The following HP variants were observed in gnomAD, a reference collection of about 807,000 sequenced individuals.
HP encodes haptoglobin.
A neutral mutation model predicts 23.2 loss-of-function variants in HP; 9 were observed. The observed-to-expected ratio is 0.39, with a 90% CI of 0.23 to 0.68. HP has a LOEUF of 0.68. Ranked by LOEUF, HP falls within the 30% of genes least tolerant of loss-of-function variation. The pLI is 0.47. For synonymous variants in HP, 155 were observed against 183.3 expected (o/e 0.85, Z 1.25); for missense variants, 433 against 483.6 (o/e 0.90, Z 0.98).
Position 72,060,792 on chromosome 16 carries a change from T to G in HP, c.1123T>G (p.Leu375Val), listed in dbSNP as rs551701593. 11 of 1,602,740 alleles carry G rather than the reference T, an allele frequency of 6.9e-6. No individual in the cohort carries two copies. The highest frequency in any genetic ancestry group is 3.3e-4 in the Middle Eastern group (2 of 6,036). Reference protein sequence around the residue: ...EEDTWYATGILSFDKSCAVAE... With the variant: ...EEDTWYATGIVSFDKSCAVAE... ...GGACACCTGGTATGCGACTGGGATC[T>G]TAAGCTTTGATAAGAGCTGTGCTGT... The change falls in exon 7 of 7, where the codon TTA becomes GTA. Residue 375 changes from leucine to valine, a missense_variant. Coordinates refer to ENST00000355906, the MANE Select transcript of HP (RefSeq NM_005143.5).
Position 72,059,123 on chromosome 16 carries a change from C to A in HP, c.377C>A (p.Thr126Asn). 6.4e-7 allele frequency: 1 copy of A among 1,565,430 alleles called. No homozygotes were observed. Among genetic ancestry groups the A allele is most frequent in the South Asian group, 1.1e-5 (1 of 90,436 alleles). The change falls in exon 6 of 7, where the codon ACC (threonine) becomes AAC (asparagine). Residue 126 changes from threonine to asparagine, a missense_variant. By Grantham distance (65) the Thr-to-Asn change is moderately conservative (BLOSUM62 0). This residue lies in a region of HP where 326 missense variants were observed against 358.1 expected (regional missense o/e 0.91). Transcript: ENST00000355906. The part of the protein sequence containing the change: ...KLRTEGDGVY[T>N]LNNEKQWINK... ...TTGCCTTTTGTTTCAGGAGTGTACACCTTAAACAATGAGAAGCAGTGGATA... is the reference window on the plus strand; with the variant it reads ...TTGCCTTTTGTTTCAGGAGTGTACAACTTAAACAATGAGAAGCAGTGGATA...
intron 1 of HP, chr16:72,055,145 C>CTT (rs576218458): frequency 1.5e-4 from 25 of 163,644 alleles, no homozygotes; most frequent in East Asian, 3.5e-4. Context: ...AGACTAGAAA[C>CTT]TTTTTTTTTT....
rs145040577 is a variant in HP at position 72,059,984 on chromosome 16, G to A, written c.443-128G>A. ...ACTATTGGAAATGAGATCAGCAGGT[G>A]GTAAGGGCAAAGCATTTAAATCTTT... is the stretch of plus-strand genomic sequence containing the variant. On this transcript the variant is annotated intron_variant, in intron 6 of 6. Coordinates refer to ENST00000355906, the MANE Select transcript of HP (RefSeq NM_005143.5). The A allele has an allele frequency of 2.6e-4, 400 of 1,511,174 alleles. 3 individuals carry two copies. The African/African-American group carries it at 5.2e-3, about 20-fold the overall frequency. 93.6% of individuals were successfully genotyped at this position (1,511,174 alleles called of 1,614,324 possible).
chr16:72,055,347 C>T (rs34066044), intron 1 of HP: 5,843 of 156,426 alleles, frequency 0.037, 334 homozygotes, highest in African/African-American at 0.13. Context: ...ACCATGTTGG[C>T]CAGGATGACC....
intron 5 of HP, 125 bp from the exon 6 acceptor site, chr16:72,058,989 C>T: frequency 2.8e-6 from 3 of 1,074,788 alleles, no homozygotes; most frequent in African/African-American, 1.9e-5. Flanking sequence ...ATACTCTCTC[C>T]TTTTCCCCTT....
chr16:72,056,261 T>C lies in HP; in HGVS notation c.88+18T>C, dbSNP rs1356306938. On this transcript the variant is annotated intron_variant, in intron 2 of 6. Coordinates refer to ENST00000355906, the MANE Select transcript of HP (RefSeq NM_005143.5). ...TATCGCAGGTCAGTCTTTGGTTGGGTAGGAGTGTGCATCCCACTCTGACCC... is the reference window on the plus strand; with the variant it reads ...TATCGCAGGTCAGTCTTTGGTTGGGCAGGAGTGTGCATCCCACTCTGACCC... 1 of 1,611,268 alleles carries C rather than the reference T, an allele frequency of 6.2e-7. No individual in the cohort carries two copies. The highest frequency in any genetic ancestry group is 1.1e-5 in the South Asian group (1 of 91,026).
chr16:72,058,130 C>T lies in HP; in HGVS notation c.266-124C>T, dbSNP rs182760478. The T allele has an allele frequency of 3.9e-5, 44 of 1,140,464 alleles. 12 individuals are homozygous for T. The African/African-American group carries it at 6.4e-4, about 17-fold the overall frequency. 70.6% of individuals were successfully genotyped at this position (1,140,464 alleles called of 1,614,324 possible). On this transcript the variant is annotated intron_variant, in intron 4 of 6. Transcript: ENST00000355906. The stretch of plus-strand genomic sequence containing the variant: ...ATAATTGTTTAAAAATAATACAGTT[C>T]GCGAGCTTCTATTCGGGGTGGAAGG...
Position 72,056,183 on chromosome 16 carries a change from C to T in HP, c.28C>T (p.Leu10Phe), listed in dbSNP as rs368400005. 5 of 1,613,962 alleles carry T rather than the reference C, an allele frequency of 3.1e-6. No individual in the cohort carries two copies. The East Asian group carries it at 8.9e-5, about 29-fold the overall frequency. The change falls in exon 2 of 7, where the codon CTC becomes TTC. Residue 10 changes from leucine to phenylalanine, a missense_variant. Around this residue, in one of 3 missense-constraint regions of HP, gnomAD observed 71 missense variants for 54.2 expected, o/e 1.31. Coordinates refer to ENST00000355906, the MANE Select transcript of HP (RefSeq NM_005143.5). MSALGAVIA[L>F]LLWGQLFAVD... The stretch of plus-strand genomic sequence containing the variant: ...CAGTGCCCTGGGAGCTGTCATTGCC[C>T]TCCTGCTCTGGGGACAGCTTTTTGC...
chr16:72,060,519 T>TG lies in HP; in HGVS notation c.855dup (p.Arg286AlafsTer6), dbSNP rs35437570. ...AGGGCGTGTGGGTTATGTTTCTGGC[T>TG]GGGGGCGAAATGCCAATTTTAAATT... On this transcript the variant is annotated frameshift_variant, in exon 7 of 7. Transcript: ENST00000355906. LOFTEE classifies it high-confidence loss of function. 6.2e-7 allele frequency: 1 copy of TG among 1,614,150 alleles called. No homozygotes were observed. Among genetic ancestry groups the TG allele is most frequent in the Non-Finnish European group, 8.5e-7 (1 of 1,180,038 alleles).
rs1229615817 is a variant in HP at position 72,060,341 on chromosome 16, T to C, written c.672T>C (p.Tyr224=). 3 of 1,613,982 alleles carry C rather than the reference T, an allele frequency of 1.9e-6. No individual in the cohort carries two copies. In the African/African-American group the frequency reaches 4.0e-5, roughly 22 times the overall value. The change falls in exon 7 of 7, where the codon TAT becomes TAC. Residue 224 remains tyrosine, a synonymous_variant. Transcript: ENST00000355906. ...ACATTGCCCCTACTTTAACACTCTATGTGGGGAAAAAGCAGCTTGTAGAGA... is the reference window on the plus strand; with the variant it reads ...ACATTGCCCCTACTTTAACACTCTACGTGGGGAAAAAGCAGCTTGTAGAGA... ...AKDIAPTLTL[Y]VGKKQLVEIE...
At position 72,056,169 on chromosome 16, in the gene HP, G is replaced by C; in HGVS notation, c.14G>C (p.Gly5Ala). ...TTGTCTTCTCTCTGCAGTGCCCTGG[G>C]AGCTGTCATTGCCCTCCTGCTCTGG... MSALGAVIALLLWGQ... is the reference protein window; with the variant it reads MSALAAVIALLLWGQ... Residue 5 changes from glycine to alanine, a missense_variant, in exon 2 of 7, where the codon GGA (glycine) becomes GCA (alanine). By Grantham distance (60) the Gly-to-Ala change is moderately conservative (BLOSUM62 0). Around this residue, in one of 3 missense-constraint regions of HP, gnomAD observed 71 missense variants for 54.2 expected, o/e 1.31. Transcript: ENST00000355906. The C allele has an allele frequency of 6.2e-7, 1 of 1,613,900 alleles. No homozygotes were observed. The highest frequency in any genetic ancestry group is 8.5e-7 in the Non-Finnish European group (1 of 1,179,922).
chr16:72,059,530 T>A (rs530364999), intron 6 of HP: 14 of 318,650 alleles, frequency 4.4e-5, no homozygotes, highest in Non-Finnish European at 8.2e-5. Context: ...AAAATCTTAA[T>A]CCATGGAAGC....
At chr16:72,057,707 C>G (rs1200359744) in intron 4 of HP, 1 of 500,980 alleles carries the variant, frequency 2.0e-6, no homozygotes. Context: ...TCGGCACTGC[C>G]CACAGATCAG....
In HP at chr16:72,060,601, G is replaced by A. The variant is rs556625699; in HGVS notation, c.932G>A (p.Arg311Lys). Reference protein sequence around the residue: ...LPVADQDQCIRHYEGSTVPEK... With the variant: ...LPVADQDQCIKHYEGSTVPEK... Reference sequence around the variant, plus strand: ...GTGGCTGACCAAGACCAATGCATAAGGCATTATGAAGGCAGCACAGTCCCC... The same window carrying A: ...GTGGCTGACCAAGACCAATGCATAAAGCATTATGAAGGCAGCACAGTCCCC... The change falls in exon 7 of 7, where the codon AGG becomes AAG. Residue 311 changes from arginine (R) to lysine (K), a missense_variant. Physicochemically the swap from Arg to Lys is conservative, Grantham distance 26 (BLOSUM62 2). This residue lies in a region of HP where 326 missense variants were observed against 358.1 expected (regional missense o/e 0.91). Coordinates refer to ENST00000355906, the MANE Select transcript of HP (RefSeq NM_005143.5). 6.2e-7 allele frequency: 1 copy of A among 1,614,126 alleles called. No individual in the cohort carries two copies. Among genetic ancestry groups the A allele is most frequent in the Non-Finnish European group, 8.5e-7 (1 of 1,180,030 alleles).
At chr16:72,059,010 C>A in intron 5 of HP, 104 bp from the exon 6 acceptor site, 1 of 1,216,554 alleles carries the variant, frequency 8.2e-7, no homozygotes, top group Non-Finnish European at 1.2e-6. Context: ...CCTTTTTGTC[C>A]CCTTTTCCTC....
At chr16:72,060,041 C>T in intron 6 of HP, 71 bp from the exon 7 acceptor site, 1 of 1,594,852 alleles carries the variant, frequency 6.3e-7, no homozygotes, top group Non-Finnish European at 8.6e-7. Context: ...GCCGCCCATG[C>T]TTTCACCCCT....
chr16:72,059,871 T>C, intron 6 of HP: 1 of 922,152 alleles, frequency 1.1e-6, no homozygotes, highest in Non-Finnish European at 1.6e-6. Flanking sequence ...AAAATCTCAG[T>C]ATTTCCCACT....
chr16:72,057,185 T>C lies in HP; in HGVS notation c.191-207T>C, dbSNP rs972560447. On this transcript the variant is annotated intron_variant, in intron 3 of 6. Coordinates refer to ENST00000355906, the MANE Select transcript of HP (RefSeq NM_005143.5). Reference sequence around the variant, plus strand: ...TGTGACCGCCATGACCACAGTGTGTTCTGCTGGGCTTAACTGGTGTCCAGG... The same window carrying C: ...TGTGACCGCCATGACCACAGTGTGTCCTGCTGGGCTTAACTGGTGTCCAGG... 1.6e-4 allele frequency: 103 copies of C among 637,914 alleles called. 22 individuals carry two copies. The highest frequency in any genetic ancestry group is 2.7e-4 in the Non-Finnish European group (96 of 357,248). The allele number at this position is 637,914 out of a possible 1,614,324, so 39.5% of individuals were successfully genotyped here.
rs2041537203 is a variant in HP, at chr16:72,060,948, A to G, written c.*58A>G. 2 of 1,531,944 alleles carry G rather than the reference A, an allele frequency of 1.3e-6. No homozygotes were observed. Among genetic ancestry groups the G allele is most frequent in the African/African-American group, 2.8e-5 (2 of 72,160 alleles). 94.9% of individuals were successfully genotyped at this position (1,531,944 alleles called of 1,614,324 possible). On this transcript the variant is annotated 3_prime_UTR_variant, in exon 7 of 7. Coordinates refer to ENST00000355906, the MANE Select transcript of HP (RefSeq NM_005143.5). ...CAAGATTTCAGCCTGGAAGAGGGCA[A>G]AGTGGACGGGAGTGGACAGGAGTGG...
Sources: gnomAD v4.1 joint callset for allele counts on GRCh38, gnomAD v4.1.1 for gene constraint, gnomAD v4.1.1 regional missense constraint, MANE v1.5 for transcripts, NCBI Gene and HGNC (gene_info 2026-07-23, HGNC 2026-07-21) for gene names.